Variants in KDM4C observed in about 807,000 individuals in gnomAD.
The protein encoded by KDM4C is lysine-specific demethylase 4C.
Under a neutral mutation model 129.3 loss-of-function variants are expected in KDM4C, and 81 were observed. That is an observed-to-expected ratio of 0.63 (90% confidence interval 0.52 to 0.75). The LOEUF is 0.75. Among genes scored for constraint, KDM4C ranks in the 30% least tolerant of loss-of-function variants. The pLI, the probability that KDM4C is intolerant of heterozygous loss-of-function variation, is 0.00. For synonymous variants in KDM4C, 573 were observed against 456.1 expected (o/e 1.26, Z -3.26); for missense variants, 1,457 against 1,304.0 (o/e 1.12, Z -1.81).
intron 3 of KDM4C, among the ~76,000 whole-genome samples, chr9:6,807,578 C>T (rs1380611526): frequency 2.0e-5 from 3 of 150,518 alleles, no homozygotes; most frequent in Non-Finnish European, 3.0e-5. Context: ...GCCGAGACCC[C>T]GTCTGGGAGG....
chr9:7,167,184 T>C (rs1844475175), intron 20 of KDM4C, among the ~76,000 whole-genome samples: 1 of 152,184 alleles, frequency 6.6e-6, no homozygotes, highest in Non-Finnish European at 1.5e-5. Flanking sequence ...TAATAATTTG[T>C]CCGAGAGCAC....
chr9:6,817,188 T>C (rs983395292), intron 4 of KDM4C, among the ~76,000 whole-genome samples: 1,313 of 28,188 alleles, frequency 0.047, no homozygotes, highest in Non-Finnish European at 0.053. Context: ...GATTGGCCCC[T>C]CCCCCTGCCC....
chr9:6,829,884 A>T (rs1391319075), intron 4 of KDM4C, among the ~76,000 whole-genome samples: 1 of 152,188 alleles, frequency 6.6e-6, no homozygotes, highest in Admixed American at 6.5e-5. Flanking sequence ...TATAAAGATA[A>T]TCTAGATTTC....
chr9:6,804,010 A>G (rs1454102560), intron 2 of KDM4C, among the ~76,000 whole-genome samples: 2 of 152,006 alleles, frequency 1.3e-5, no homozygotes, highest in Non-Finnish European at 2.9e-5. Flanking sequence ...TTTAGTGGAG[A>G]TCAGGTTTTA....
intron 11 of KDM4C, among the ~76,000 whole-genome samples, chr9:6,987,663 G>T (rs1323398): frequency 0.38 from 58,437 of 151,862 alleles, 11,714 homozygotes; most frequent in African/African-American, 0.47. Context: ...AATACCTTGC[G>T]TCTTATCAGT....
At chr9:6,831,141 G>A (rs750896859) in intron 4 of KDM4C, among the ~76,000 whole-genome samples, 3 of 152,080 alleles carry the variant, frequency 2.0e-5, no homozygotes, top group Admixed American at 6.6e-5. Flanking sequence ...TGGGGGAAGC[G>A]GGGATCTGTG....
At chr9:6,924,706 A>G (rs753419822) in intron 8 of KDM4C, 1 of 960,642 alleles carries the variant, frequency 1.0e-6, no homozygotes, top group Non-Finnish European at 1.2e-6. Context: ...ATAATGTGTC[A>G]TCCTGGGAAA....
intron 6 of KDM4C, among the ~76,000 whole-genome samples, chr9:6,884,582 T>A (rs1421559050): frequency 6.6e-6 from 1 of 152,246 alleles, no homozygotes; most frequent in Non-Finnish European, 1.5e-5. Context: ...CAAGTAAAAT[T>A]GTAAAGAAAA....
chr9:6,950,905 T>G lies in KDM4C; in HGVS notation c.922-30020T>G, dbSNP rs535467160. On this transcript the variant is annotated intron_variant, in intron 8 of 21. Transcript: ENST00000381309. ...TAGTAGTCATGCCATGAACCTTTCC[T>G]TAAATGTTTCAGATAACAGAAAATA... is the stretch of plus-strand genomic sequence containing the variant. Among the ~76,000 whole-genome samples, 45 of 152,332 alleles carry G rather than the reference T, an allele frequency of 3.0e-4. 1 individual carries two copies. In the South Asian group the frequency reaches 8.3e-3, roughly 28 times the overall value.
chr9:6,876,399 C>G (rs542489784), intron 5 of KDM4C, among the ~76,000 whole-genome samples: 1 of 152,086 alleles, frequency 6.6e-6, no homozygotes, highest in Non-Finnish European at 1.5e-5. Flanking sequence ...CGATCTGTTC[C>G]GTGTTGTTCT....
At chr9:6,789,377 C>T (rs986425619) in intron 1 of KDM4C, among the ~76,000 whole-genome samples, 1 of 151,988 alleles carries the variant, frequency 6.6e-6, no homozygotes, top group Non-Finnish European at 1.5e-5. Context: ...TGTGCCACCA[C>T]GCCTGGCTAA....
At chr9:7,157,988 A>T (rs1336184373) in intron 19 of KDM4C, among the ~76,000 whole-genome samples, 1 of 152,046 alleles carries the variant, frequency 6.6e-6, no homozygotes, top group East Asian at 1.9e-4. Context: ...CTGGTCCTGG[A>T]CTTTTTTTGG....
intron 19 of KDM4C, among the ~76,000 whole-genome samples, chr9:7,128,976 T>C (rs1840324584): frequency 6.6e-6 from 1 of 151,090 alleles, no homozygotes; most frequent in South Asian, 2.1e-4. Context: ...CCACAGAGGG[T>C]TTTTTTTGAC....
In KDM4C at chr9:6,834,523, G is replaced by A. The variant is rs7025361; in HGVS notation, c.436-14984G>A. The A allele has an allele frequency of 1.9e-4, 124 of 662,572 alleles. No homozygotes were observed. The African/African-American group carries it at 2.1e-3, about 11-fold the overall frequency. The allele number at this position is 662,572 out of a possible 1,614,324, so 41.0% of individuals were successfully genotyped here. ...GGCATGTGGAAGGCTGGCTTCGCAG[G>A]TGACGATGACCCCCGGCCGTCTTCC... On this transcript the variant is annotated intron_variant, in intron 4 of 21. Coordinates refer to ENST00000381309, the MANE Select transcript of KDM4C (RefSeq NM_015061.6).
chr9:6,974,846 G>A (rs940683925), intron 8 of KDM4C: 1 of 152,196 alleles, frequency 6.6e-6, no homozygotes, highest in Admixed American at 6.6e-5. Flanking sequence ...ATACTAAAGA[G>A]TTCAATTTCA....
Position 6,752,272 on chromosome 9 carries a change from G to A in KDM4C, c.49+31275G>A, listed in dbSNP as rs575903557. Among the ~76,000 whole-genome samples, 334 of 127,980 alleles carry A rather than the reference G, an allele frequency of 2.6e-3. 3 individuals are homozygous for A. The highest frequency in any genetic ancestry group is 2.3e-3 in the Non-Finnish European group (149 of 63,632). The allele number at this position is 127,980 out of a possible 152,430, so 84.0% of individuals were successfully genotyped here. On this transcript the variant is annotated intron_variant, in intron 1 of 17. Transcript: ENST00000536108. Reference sequence around the variant, plus strand: ...GGCGTGAACCCGGGAGGCGGAGCTTGCAGTGAGTCGAGATCGCGCCACTGC... The same window carrying A: ...GGCGTGAACCCGGGAGGCGGAGCTTACAGTGAGTCGAGATCGCGCCACTGC...
At chr9:6,853,282 G>A (rs1839184184) in intron 5 of KDM4C, among the ~76,000 whole-genome samples, 3 of 151,656 alleles carry the variant, frequency 2.0e-5, no homozygotes, top group African/African-American at 7.3e-5. Context: ...GAGCCCAGGA[G>A]TTCAAGACCA....
At chr9:6,863,571 C>T (rs544931149) in intron 5 of KDM4C, among the ~76,000 whole-genome samples, 1 of 151,914 alleles carries the variant, frequency 6.6e-6, no homozygotes, top group African/African-American at 2.4e-5. Flanking sequence ...CGGAGGTGGG[C>T]GGATCACGAG....
At chr9:6,815,628 A>C (rs1011625786) in intron 4 of KDM4C, among the ~76,000 whole-genome samples, 1 of 152,242 alleles carries the variant, frequency 6.6e-6, no homozygotes, top group Non-Finnish European at 1.5e-5. Flanking sequence ...CTTCATCCAG[A>C]AATCCAAAAT....
Sources: gnomAD v4.1 joint callset for allele counts (sites outside exome capture counted in the v4.1 genomes callset) on GRCh38, gnomAD v4.1.1 for gene constraint, MANE v1.5 for transcripts, NCBI Gene and HGNC (gene_info 2026-07-23, HGNC 2026-07-21) for gene names.